The following COL4A2 variants were observed in gnomAD, a reference collection of about 807,000 sequenced individuals.
COL4A2 encodes the protein collagen type IV alpha 2 chain, also known as collagen alpha-2(IV) chain.
Under a neutral mutation model 200.2 loss-of-function variants are expected in COL4A2, and 99 were observed. The observed-to-expected ratio is 0.49, with a 90% CI of 0.42 to 0.58. COL4A2 has a LOEUF of 0.58. COL4A2 is among the 20% of genes least tolerant of loss of function. The pLI, the probability that COL4A2 is intolerant of heterozygous loss-of-function variation, is 0.00. For missense variants in COL4A2, 1,950 were observed against 2,314.1 expected, an observed-to-expected ratio of 0.84 and a Z score of 3.23; for synonymous variants, 897 against 900.6, an observed-to-expected ratio of 1.00 and a Z score of 0.07.
intron 16 of COL4A2, among the ~76,000 whole-genome samples, chr13:110,445,468 G>T (rs141011926): frequency 6.6e-6 from 1 of 152,188 alleles, no homozygotes; most frequent in African/African-American, 2.4e-5. Context: ...CACCACGGGG[G>T]TGAGACTGAC....
At chr13:110,461,347 G>T (rs1392538577) in intron 22 of COL4A2, among the ~76,000 whole-genome samples, 1 of 152,204 alleles carries the variant, frequency 6.6e-6, no homozygotes, top group African/African-American at 2.4e-5. Flanking sequence ...CACCGAGCCC[G>T]TGGATCCCTG....
intron 27 of COL4A2, chr13:110,468,447 AGC>A (rs1400228559): frequency 2.5e-6 from 1 of 397,326 alleles, no homozygotes; most frequent in Admixed American, 2.9e-5. Context: ...CCCAGACTAC[AGC>A]CGTGTGCCAA....
chr13:110,404,264 G>A (rs1186597273), intron 4 of COL4A2, among the ~76,000 whole-genome samples: 2 of 152,184 alleles, frequency 1.3e-5, no homozygotes, highest in African/African-American at 2.4e-5. Flanking sequence ...AACTTTCTGG[G>A]TCAATTGAGC....
intron 4 of COL4A2, among the ~76,000 whole-genome samples, chr13:110,378,263 T>A (rs1470416802): frequency 6.6e-6 from 1 of 152,208 alleles, no homozygotes; most frequent in African/African-American, 2.4e-5. Flanking sequence ...GATTTGCTGC[T>A]CAAATCATTT....
chr13:110,396,657 A>G (rs1020371536), intron 4 of COL4A2, among the ~76,000 whole-genome samples: 2 of 152,144 alleles, frequency 1.3e-5, no homozygotes, highest in Non-Finnish European at 2.9e-5. Context: ...ATGGGGACTG[A>G]CCACCCCGTC....
rs1882639549 is a variant in COL4A2 at position 110,474,874 on chromosome 13, A to ACG, written c.2425+1725_2425+1726insGC. Among the ~76,000 whole-genome samples, 7 of 114,604 alleles carry ACG rather than the reference A, an allele frequency of 6.1e-5. 2 individuals are homozygous for ACG. Among genetic ancestry groups the ACG allele is most frequent in the Non-Finnish European group, 9.0e-5 (5 of 55,554 alleles). The allele number at this position is 114,604 out of a possible 152,430, so 75.2% of individuals were successfully genotyped here. On this transcript the variant is annotated intron_variant, in intron 29 of 47. Coordinates refer to ENST00000360467, the MANE Select transcript of COL4A2 (RefSeq NM_001846.4). ...AAACATGATCACACACTCCATACAC[A>ACG]CACGTACCCACACACGTGCCTATGC...
At chr13:110,455,609 TACACACAGCACCTC>T (rs1881700779) in intron 20 of COL4A2, among the ~76,000 whole-genome samples, 1 of 152,172 alleles carries the variant, frequency 6.6e-6, no homozygotes, top group African/African-American at 2.4e-5. Context: ...TCCAGTTGTA[TACACACAGCACCTC>T]GCACACAGCC....
chr13:110,503,911 A>G lies in COL4A2; in HGVS notation c.4203A>G (p.Pro1401=). 6.2e-7 allele frequency: 1 copy of G among 1,612,418 alleles called. No individual in the cohort carries two copies. Among genetic ancestry groups the G allele is most frequent in the Non-Finnish European group, 8.5e-7 (1 of 1,178,894 alleles). The change falls in exon 44 of 48, where the codon CCA becomes CCG. Residue 1401 remains proline, a synonymous_variant. Transcript: ENST00000360467. ...AGIPQKIAVQ[P]GTVGPQGRRG... ...TCCCCCAGAAGATTGCCGTCCAACC[A>G]GGGACAGTGGGTCCCCAGGGGAGGC...
intron 20 of COL4A2, among the ~76,000 whole-genome samples, chr13:110,456,192 A>T (rs998465663): frequency 2.6e-5 from 4 of 152,168 alleles, no homozygotes; most frequent in African/African-American, 9.7e-5. Context: ...TAGTGGGGAG[A>T]GGTTTACAAG....
intron 3 of COL4A2, among the ~76,000 whole-genome samples, chr13:110,310,823 G>A (rs769611535): frequency 6.6e-6 from 1 of 152,132 alleles, no homozygotes; most frequent in Non-Finnish European, 1.5e-5. Flanking sequence ...CTGTACTAAT[G>A]CTTCTAATCC....
rs529617799 is a variant in COL4A2, at chr13:110,503,983, C to G, written c.4275C>G (p.Pro1425=). Reference sequence around the variant, plus strand: ...GGGAGATGGGGCCCCAGGGCCCCCCCGGAGAACCAGGTAGAGTGCTGAGCT... The same window carrying G: ...GGGAGATGGGGCCCCAGGGCCCCCCGGGAGAACCAGGTAGAGTGCTGAGCT... The part of the protein sequence containing the change: ...APGEMGPQGP[P]GEPGFRGAPG... The change falls in exon 44 of 48, where the codon CCC becomes CCG. Residue 1425 remains proline (P), a synonymous_variant. Coordinates refer to ENST00000360467, the MANE Select transcript of COL4A2 (RefSeq NM_001846.4). The G allele has an allele frequency of 1.9e-6, 3 of 1,558,184 alleles. No individual in the cohort carries two copies. Among genetic ancestry groups the G allele is most frequent in the Non-Finnish European group, 2.6e-6 (3 of 1,156,866 alleles).
chr13:110,422,254 G>T (rs1430256673), intron 4 of COL4A2, among the ~76,000 whole-genome samples: 2 of 152,138 alleles, frequency 1.3e-5, no homozygotes, highest in Non-Finnish European at 1.5e-5. Flanking sequence ...AAACAAAATT[G>T]AGCACCACTG....
chr13:110,314,263 T>C (rs1885075487), intron 3 of COL4A2, among the ~76,000 whole-genome samples: 1 of 152,232 alleles, frequency 6.6e-6, no homozygotes, highest in African/African-American at 2.4e-5. Flanking sequence ...TCTCAATTGC[T>C]TCAGAATTTT....
At chr13:110,441,078 G>C (rs1326616052) in intron 16 of COL4A2, among the ~76,000 whole-genome samples, 1 of 152,172 alleles carries the variant, frequency 6.6e-6, no homozygotes, top group African/African-American at 2.4e-5. Flanking sequence ...GGTACACAGG[G>C]CTTGGCTGCC....
intron 40 of COL4A2, among the ~76,000 whole-genome samples, chr13:110,497,339 C>T (rs945485559): frequency 2.6e-5 from 4 of 151,864 alleles, no homozygotes; most frequent in African/African-American, 9.7e-5. Context: ...GTCAGTACAC[C>T]AGCACAGCTT....
At chr13:110,461,976 A>G in intron 22 of COL4A2, 138 bp from the exon 23 acceptor site, 1 of 1,278,584 alleles carries the variant, frequency 7.8e-7, no homozygotes, top group Non-Finnish European at 1.1e-6. Flanking sequence ...CATCGCAGAA[A>G]GTGCTCCTTG....
Position 110,431,010 on chromosome 13 carries a change from G to A in COL4A2, c.648+403G>A, listed in dbSNP as rs1231258824. 3 of 403,688 alleles carry A rather than the reference G, an allele frequency of 7.4e-6. No individual in the cohort carries two copies. The East Asian group carries it at 2.1e-4, about 28-fold the overall frequency. 25.0% of individuals were successfully genotyped at this position (403,688 alleles called of 1,614,324 possible). A position where few individuals can be genotyped will look rare whatever the true frequency, so the allele number is the denominator to read the frequency against. The stretch of plus-strand genomic sequence containing the variant: ...ATGCTAGCAGGCATATCACACCTGG[G>A]CTCATTACAGCAGGTGAGATACTGG... On this transcript the variant is annotated intron_variant, in intron 10 of 47. Transcript: ENST00000360467.
intron 3 of COL4A2, among the ~76,000 whole-genome samples, chr13:110,350,406 A>G (rs1191721124): frequency 6.6e-6 from 1 of 151,960 alleles, no homozygotes; most frequent in Non-Finnish European, 1.5e-5. Flanking sequence ...GAGAACTACA[A>G]TTTTTTTTAG....
rs1400973805 is a variant in COL4A2 at position 110,512,285 on chromosome 13, A to G, written c.*94A>G. 1 of 1,454,660 alleles carries G rather than the reference A, an allele frequency of 6.9e-7. No individual in the cohort carries two copies. Among genetic ancestry groups the G allele is most frequent in the African/African-American group, 1.4e-5 (1 of 69,534 alleles). The allele number at this position is 1,454,660 out of a possible 1,614,324, so 90.1% of individuals were successfully genotyped here. On this transcript the variant is annotated 3_prime_UTR_variant, in exon 48 of 48. Transcript: ENST00000360467. Reference sequence around the variant, plus strand: ...AAATTGGTTTTATTTTTTTCTTAAAAAAAAAAAAGTCTACCAAAGGAATTT... The same window carrying G: ...AAATTGGTTTTATTTTTTTCTTAAAGAAAAAAAAGTCTACCAAAGGAATTT...
Sources: gnomAD v4.1 joint callset for allele counts (sites outside exome capture counted in the v4.1 genomes callset) on GRCh38, gnomAD v4.1.1 for gene constraint, MANE v1.5 for transcripts, NCBI Gene and HGNC (gene_info 2026-07-23, HGNC 2026-07-21) for gene names.